The following HUWE1 variants were observed in gnomAD, a reference collection of about 807,000 sequenced individuals.
HUWE1 encodes E3 ubiquitin-protein ligase HUWE1.
Under a neutral mutation model 299.4 loss-of-function variants are expected in HUWE1, and 18 were observed. The observed-to-expected ratio is 0.06, with a 90% CI of 0.04 to 0.09. The LOEUF (loss-of-function observed/expected upper bound fraction) is 0.09, where lower values mean the gene tolerates loss of function less well. HUWE1 is among the 10% of genes least tolerant of loss of function. The probability of loss-of-function intolerance (pLI) is 1.00; values close to 1 mark genes in which losing one functional copy is unlikely to be tolerated. For synonymous variants in HUWE1, 1,317 were observed against 1,286.1 expected, an observed-to-expected ratio of 1.02 and a Z score of -0.51; for missense variants, 1,832 against 3,462.3, an observed-to-expected ratio of 0.53 and a Z score of 11.82.
intron 71 of HUWE1, 84 bp downstream of exon 71, chrX:53,544,945 T>C (rs2061486783): frequency 9.2e-7 from 1 of 1,084,202 alleles, no homozygotes; most frequent in Non-Finnish European, 1.3e-6. Flanking sequence ...CCCAGAGAAA[T>C]AAAAAAGACC....
At chrX:53,651,396 TCC>T (rs2149325378) in intron 4 of HUWE1, among the ~76,000 whole-genome samples, 1 of 111,234 alleles carries the variant, frequency 9.0e-6, no homozygotes, top group East Asian at 2.8e-4. Context: ...TCCCTCTGTA[TCC>T]ACTGGGGATT....
chrX:53,644,390 T>G (rs1206639043), intron 7 of HUWE1, among the ~76,000 whole-genome samples: 1 of 112,012 alleles, frequency 8.9e-6, no homozygotes, highest in Non-Finnish European at 1.9e-5. Context: ...TCCTTTTAAC[T>G]GTGGACTTGG....
rs781958828 is a variant in HUWE1, at chrX:53,617,498, GAAAAC to G, written c.1673-57_1673-53del. Reference sequence around the variant, plus strand: ...AACTGAGAGATTCCTCACAGAAACTGAAAACAAAACACCAAAAGCTTAAAAAAAAA... The same window carrying G: ...AACTGAGAGATTCCTCACAGAAACTGAAAACACCAAAAGCTTAAAAAAAAA... On this transcript the variant is annotated intron_variant, in intron 19 of 83. Transcript: ENST00000262854. The G allele has an allele frequency of 5.2e-5, 40 of 767,032 alleles. No individual in the cohort carries two copies. In the African/African-American group the frequency reaches 7.0e-4, roughly 13 times the overall value. The allele number at this position is 767,032 out of a possible 1,213,427, so 63.2% of individuals were successfully genotyped here. A position where few individuals can be genotyped will look rare whatever the true frequency, so the allele number is the denominator to read the frequency against.
At chrX:53,661,267 G>A (rs1376782675) in intron 3 of HUWE1, among the ~76,000 whole-genome samples, 2 of 111,535 alleles carry the variant, frequency 1.8e-5, no homozygotes, top group East Asian at 2.8e-4. Flanking sequence ...ATCTCCTGAC[G>A]TTGTGATCCG....
intron 30 of HUWE1, among the ~76,000 whole-genome samples, chrX:53,594,904 T>A (rs2064374831): frequency 9.0e-6 from 1 of 111,625 alleles, no homozygotes. Context: ...ACCCAAAAAA[T>A]TCCAAAATTC....
chrX:53,548,768 C>T (rs1556925584), intron 67 of HUWE1, among the ~76,000 whole-genome samples, 191 bp downstream of exon 67: 1 of 112,367 alleles, frequency 8.9e-6, no homozygotes. Context: ...CTAAATAAGA[C>T]ATACATAAAA....
At chrX:53,542,257 C>G (rs1392657528) in intron 74 of HUWE1, among the ~76,000 whole-genome samples, 186 bp downstream of exon 74, 1 of 111,995 alleles carries the variant, frequency 8.9e-6, no homozygotes, top group East Asian at 2.8e-4. Context: ...ATTTTCTTTC[C>G]TTTACTACAG....
intron 43 of HUWE1, among the ~76,000 whole-genome samples, chrX:53,578,965 G>A (rs2063420736): frequency 1.4e-5 from 1 of 71,730 alleles, no homozygotes; most frequent in Non-Finnish European, 2.7e-5. Flanking sequence ...GCCTCTGCCC[G>A]GCCGCCCCTA....
rs1556932557 is a variant in HUWE1 at position 53,554,723 on chromosome X, T to A, written c.8404A>T (p.Met2802Leu). 2 of 1,210,870 alleles carry A rather than the reference T, an allele frequency of 1.7e-6. No homozygotes were observed. The highest frequency in any genetic ancestry group is 2.2e-6 in the Non-Finnish European group (2 of 894,986). Residue 2802 changes from methionine (M) to leucine (L), a missense_variant, in exon 61 of 84, where the codon ATG becomes TTG. This residue lies in a region of HUWE1 where 143 missense variants were observed against 148.1 expected (regional missense o/e 0.97). Coordinates refer to ENST00000262854, the MANE Select transcript of HUWE1 (RefSeq NM_031407.7). ...CCCAATTCCTCTGGCTCTACAGGCATCAATAGCTGTGTAGAGCTGCCCCCT... is the reference window on the plus strand; with the variant it reads ...CCCAATTCCTCTGGCTCTACAGGCAACAATAGCTGTGTAGAGCTGCCCCCT... ...GEGGSSTQLLMPVEPEELGPT... is the reference protein window; with the variant it reads ...GEGGSSTQLLLPVEPEELGPT...
chrX:53,636,004 T>C (rs1294167248), intron 7 of HUWE1, among the ~76,000 whole-genome samples: 1 of 112,802 alleles, frequency 8.9e-6, no homozygotes, highest in Admixed American at 9.3e-5. Context: ...AGGTATCATA[T>C]ATGAAACACA....
Position 53,539,034 on chromosome X carries a change from C to T in HUWE1, c.11679G>A (p.Glu3893=). 8.3e-7 allele frequency: 1 copy of T among 1,209,443 alleles called. No homozygotes were observed. The highest frequency in any genetic ancestry group is 1.1e-6 in the Non-Finnish European group (1 of 894,213). ...VEAFFLVHAT[E]RESKPPVRDT... is the part of the protein sequence containing the mutation. ...CTCGGACAGGAGGCTTGCTCTCCCG[C>T]TCTGTGGCATGGACCAGAAAGAAGG... The change falls in exon 76 of 84, where the codon GAG becomes GAA. Residue 3893 remains glutamate (E), a synonymous_variant. Transcript: ENST00000262854.
intron 3 of HUWE1, among the ~76,000 whole-genome samples, chrX:53,669,348 C>T (rs1354054079): frequency 8.9e-6 from 1 of 112,230 alleles, no homozygotes; most frequent in East Asian, 2.8e-4. Flanking sequence ...ATAAACCAGA[C>T]AATTCTGAAC....
chrX:53,538,560 G>T, intron 76 of HUWE1, 106 bp from the exon 77 acceptor site: 1 of 627,477 alleles, frequency 1.6e-6, no homozygotes, highest in Non-Finnish European at 2.6e-6. Context: ...CCTTATTTCA[G>T]GGCTCTAAAA....
Position 53,647,533 on chromosome X carries a change from A to G in HUWE1, c.186T>C (p.Asp62=), listed in dbSNP as rs781842930. Residue 62 remains aspartate (D), a synonymous_variant, in exon 6 of 84, where the codon GAT becomes GAC. Transcript: ENST00000262854. Reference sequence around the variant, plus strand: ...TCTGTCCAGCATCTGCCAGTATTCCATCGAAGCGGTCCAACAGGTCCACCC... The same window carrying G: ...TCTGTCCAGCATCTGCCAGTATTCCGTCGAAGCGGTCCAACAGGTCCACCC... ...YHWVDLLDRF[D]GILADAGQTV... The G allele has an allele frequency of 2.5e-6, 3 of 1,207,700 alleles. No individual in the cohort carries two copies. In the East Asian group the frequency reaches 8.9e-5, roughly 36 times the overall value.
At chrX:53,669,136 C>T (rs1437097225) in intron 3 of HUWE1, among the ~76,000 whole-genome samples, 1 of 112,276 alleles carries the variant, frequency 8.9e-6, no homozygotes, top group Non-Finnish European at 1.9e-5. Context: ...ATCAACCTGG[C>T]AGCAAACTCT....
chrX:53,658,049 C>CAAAAAA (rs782662378), intron 3 of HUWE1, among the ~76,000 whole-genome samples: 1 of 38,041 alleles, frequency 2.6e-5, no homozygotes. Flanking sequence ...GACTCCGTCT[C>CAAAAAA]AAAAAAAAAA....
At chrX:53,560,475 C>A (rs186114536) in intron 55 of HUWE1, 59 bp from the exon 56 acceptor site, 1 of 1,022,187 alleles carries the variant, frequency 9.8e-7, no homozygotes, top group Non-Finnish European at 1.4e-6. Context: ...CATGTTTGTT[C>A]AAGCAGAATC....
At chrX:53,649,217 G>C (rs905860049) in intron 4 of HUWE1, among the ~76,000 whole-genome samples, 2 of 111,728 alleles carry the variant, frequency 1.8e-5, no homozygotes, top group Non-Finnish European at 3.8e-5. Flanking sequence ...CAGAAAAACA[G>C]ACCTAATAGC....
rs782304974 is a variant in HUWE1, at chrX:53,549,375, G to T, written c.9619C>A (p.Arg3207=). The change falls in exon 67 of 84, where the codon CGA becomes AGA. Residue 3207 remains arginine, a synonymous_variant. Transcript: ENST00000262854. ...TGGTAGCAGAGATTTCTCAGTACTC[G>T]GTGTAGACGGCTAGTATTGAGCTTT... ...EPKLNTSRLH[R]VLRNLCYHAQ... 3 of 1,211,330 alleles carry T rather than the reference G, an allele frequency of 2.5e-6. No individual in the cohort carries two copies. The East Asian group carries it at 8.9e-5, about 36-fold the overall frequency.
Sources: allele counts gnomAD v4.1 joint callset (sites outside exome capture counted in the v4.1 genomes callset), GRCh38; gene constraint gnomAD v4.1.1; regional missense constraint gnomAD v4.1.1; transcripts MANE v1.5; gene names NCBI Gene and HGNC (gene_info 2026-07-23, HGNC 2026-07-21).